The following RAB8B variants were observed in gnomAD, a reference collection of about 807,000 sequenced individuals.
The protein encoded by RAB8B is RAB8B, member RAS oncogene family.
RAB8B carries 11 observed loss-of-function variants against 32.0 expected under a neutral mutation model. The observed-to-expected ratio is 0.34, with a 90% CI of 0.22 to 0.57. RAB8B has a LOEUF of 0.57. Among genes scored for constraint, RAB8B ranks in the 20% least tolerant of loss-of-function variants. The pLI, the probability that RAB8B is intolerant of heterozygous loss-of-function variation, is 0.86. For missense variants in RAB8B, 190 were observed against 258.5 expected, an observed-to-expected ratio of 0.73 and a Z score of 1.82; for synonymous variants, 103 against 89.6, an observed-to-expected ratio of 1.15 and a Z score of -0.85.
chr15:63,211,992 C>T (rs922713126), intron 1 of RAB8B, among the ~76,000 whole-genome samples: 2 of 152,024 alleles, frequency 1.3e-5, no homozygotes, highest in South Asian at 4.2e-4. Context: ...CCACCATGCC[C>T]AGCTCATTTT....
At chr15:63,190,650 CTG>C (rs1176189549) in intron 1 of RAB8B, among the ~76,000 whole-genome samples, 2 of 152,160 alleles carry the variant, frequency 1.3e-5, no homozygotes, top group Non-Finnish European at 2.9e-5. Context: ...TTAATTTGTT[CTG>C]TGAGTGTTAA....
In RAB8B at chr15:63,263,862, C is replaced by T. The variant is rs2038221742; in HGVS notation, c.*243C>T. 2.5e-6 allele frequency: 1 copy of T among 401,438 alleles called. No homozygotes were observed. 24.9% of individuals were successfully genotyped at this position (401,438 alleles called of 1,614,324 possible). A position where few individuals can be genotyped will look rare whatever the true frequency, so the allele number is the denominator to read the frequency against. On this transcript the variant is annotated 3_prime_UTR_variant, in exon 8 of 8. Coordinates refer to ENST00000321437, the MANE Select transcript of RAB8B (RefSeq NM_016530.3). ...ACATGCAGGACCTAACTCGTTTTTT[C>T]CTTGTTTTATTACCTGTTGCAGAAG...
chr15:63,213,837 C>T lies in RAB8B; in HGVS notation c.124+24089C>T, dbSNP rs572544116. On this transcript the variant is annotated intron_variant, in intron 1 of 7. Coordinates refer to ENST00000321437, the MANE Select transcript of RAB8B (RefSeq NM_016530.3). ...GTGGCTCACGCCTGTAATCCCAGCACTTTGGGAGGCAGAGGCGGGCAGATC... is the reference window on the plus strand; with the variant it reads ...GTGGCTCACGCCTGTAATCCCAGCATTTTGGGAGGCAGAGGCGGGCAGATC... Among the ~76,000 whole-genome samples, 28 of 152,242 alleles carry T rather than the reference C, an allele frequency of 1.8e-4. No individual in the cohort carries two copies. In the East Asian group the frequency reaches 4.3e-3, roughly 23 times the overall value.
At chr15:63,235,244 A>G (rs111756561) in intron 1 of RAB8B, among the ~76,000 whole-genome samples, 4 of 152,192 alleles carry the variant, frequency 2.6e-5, no homozygotes, top group South Asian at 2.1e-4. Flanking sequence ...GTGACCAGGC[A>G]TGGATGGGGT....
chr15:63,244,975 GTATC>G (rs2038059897), intron 2 of RAB8B, among the ~76,000 whole-genome samples, 159 bp downstream of exon 2: 4 of 152,196 alleles, frequency 2.6e-5, no homozygotes, highest in Admixed American at 2.6e-4. Flanking sequence ...TCCTTCAAAG[GTATC>G]TTCACCAAGA....
At chr15:63,220,218 A>G (rs1362615450) in intron 1 of RAB8B, among the ~76,000 whole-genome samples, 1 of 152,220 alleles carries the variant, frequency 6.6e-6, no homozygotes, top group Non-Finnish European at 1.5e-5. Flanking sequence ...TAGAATTGAG[A>G]CAATGGTAGC....
At chr15:63,233,926 A>G (rs1360330594) in intron 1 of RAB8B, among the ~76,000 whole-genome samples, 4 of 152,220 alleles carry the variant, frequency 2.6e-5, no homozygotes, top group Admixed American at 6.5e-5. Context: ...CAGCATTGAA[A>G]TCTTGCATTG....
chr15:63,253,466 T>A (rs1020632429), intron 3 of RAB8B, among the ~76,000 whole-genome samples: 7 of 152,086 alleles, frequency 4.6e-5, no homozygotes, highest in Non-Finnish European at 4.4e-5. Flanking sequence ...AGGATTTTGA[T>A]CAATGAAGTG....
At position 63,189,649 on chromosome 15, in the gene RAB8B, T is replaced by C; in HGVS notation, c.25T>C (p.Phe9Leu). 1 of 1,613,700 alleles carries C rather than the reference T, an allele frequency of 6.2e-7. No individual in the cohort carries two copies. Among genetic ancestry groups the C allele is most frequent in the Non-Finnish European group, 8.5e-7 (1 of 1,179,720 alleles). The stretch of plus-strand genomic sequence containing the variant: ...GATGGCGAAGACGTACGATTATCTC[T>C]TCAAGCTCCTGCTGATCGGCGACTC... MAKTYDYLFKLLLIGDSGV... is the reference protein window; with the variant it reads MAKTYDYLLKLLLIGDSGV... Residue 9 changes from phenylalanine (F) to leucine (L), a missense_variant, in exon 1 of 8, where the codon TTC becomes CTC. Phe to Leu is a conservative substitution (Grantham distance 22). Coordinates refer to ENST00000321437, the MANE Select transcript of RAB8B (RefSeq NM_016530.3).
Position 63,255,567 on chromosome 15 carries a change from A to G in RAB8B, c.307A>G (p.Ile103Val), listed in dbSNP as rs1316133157. 6.2e-7 allele frequency: 1 copy of G among 1,601,566 alleles called. No individual in the cohort carries two copies. Among genetic ancestry groups the G allele is most frequent in the East Asian group, 2.2e-5 (1 of 44,828 alleles). The change falls in exon 4 of 8, where the codon ATC (isoleucine) becomes GTC (valine). Residue 103 changes from isoleucine (I) to valine (V), a missense_variant. Physicochemically the swap from Ile to Val is conservative, Grantham distance 29. Transcript: ENST00000321437. ...EKSFDNIKNW[I>V]RNIEEHASSD... ...ATCCTTTGACAATATTAAAAATTGGATCAGAAACATTGAAGAGGTATGTGT... is the reference window on the plus strand; with the variant it reads ...ATCCTTTGACAATATTAAAAATTGGGTCAGAAACATTGAAGAGGTATGTGT...
intron 2 of RAB8B, among the ~76,000 whole-genome samples, chr15:63,245,208 C>G (rs1483152083): frequency 6.6e-6 from 1 of 152,198 alleles, no homozygotes; most frequent in Non-Finnish European, 1.5e-5. Context: ...AGCCAGGATG[C>G]CTCCAAATTG....
chr15:63,226,220 A>G (rs1450150760), intron 1 of RAB8B, among the ~76,000 whole-genome samples: 1 of 152,222 alleles, frequency 6.6e-6, no homozygotes, highest in Admixed American at 6.5e-5. Flanking sequence ...CCTTCATTTG[A>G]CTAAGGTAAA....
chr15:63,257,609 T>A (rs1342365346), intron 5 of RAB8B, among the ~76,000 whole-genome samples: 1 of 151,724 alleles, frequency 6.6e-6, no homozygotes, highest in Non-Finnish European at 1.5e-5. Flanking sequence ...TGCTGCAAAC[T>A]TTTTTCCCCT....
intron 1 of RAB8B, among the ~76,000 whole-genome samples, chr15:63,208,758 C>A (rs1166408082): frequency 2.6e-5 from 4 of 152,048 alleles, no homozygotes; most frequent in Non-Finnish European, 4.4e-5. Flanking sequence ...ACCCCCAACC[C>A]AACCACCAAG....
At chr15:63,218,915 G>A (rs1272082402) in intron 1 of RAB8B, among the ~76,000 whole-genome samples, 1 of 150,636 alleles carries the variant, frequency 6.6e-6, no homozygotes, top group Non-Finnish European at 1.5e-5. Context: ...AAATATTTTA[G>A]GGGCAGCTAT....
intron 6 of RAB8B, among the ~76,000 whole-genome samples, chr15:63,261,030 A>G (rs977270896): frequency 2.6e-5 from 4 of 152,256 alleles, no homozygotes; most frequent in African/African-American, 4.8e-5. Context: ...ACAAGCTTAG[A>G]TAAGCAGAAA....
intron 1 of RAB8B, among the ~76,000 whole-genome samples, chr15:63,205,692 A>C (rs1190430879): frequency 6.6e-6 from 1 of 152,194 alleles, no homozygotes; most frequent in African/African-American, 2.4e-5. Context: ...TTGATTTATA[A>C]TTTTAAAAGC....
At chr15:63,200,359 C>T (rs1202973109) in intron 1 of RAB8B, among the ~76,000 whole-genome samples, 1 of 152,090 alleles carries the variant, frequency 6.6e-6, no homozygotes, top group Admixed American at 6.5e-5. Flanking sequence ...GTTTTTGAAT[C>T]CTATTCTTTA....
chr15:63,218,779 C>T (rs570534657), intron 1 of RAB8B, among the ~76,000 whole-genome samples: 1 of 152,188 alleles, frequency 6.6e-6, no homozygotes, highest in East Asian at 1.9e-4. Flanking sequence ...GCATGTTGCT[C>T]AAGCAGTATT....
Sources: gnomAD v4.1 joint callset for allele counts (sites outside exome capture counted in the v4.1 genomes callset) on GRCh38, gnomAD v4.1.1 for gene constraint, MANE v1.5 for transcripts, NCBI Gene and HGNC (gene_info 2026-07-23, HGNC 2026-07-21) for gene names.